The following RNFT2 variants were observed in gnomAD, a reference collection of about 807,000 sequenced individuals.
RNFT2 encodes the protein ring finger protein, transmembrane 2.
RNFT2 carries 36 observed loss-of-function variants against 53.0 expected under a neutral mutation model. The observed-to-expected ratio is 0.68, with a 90% CI of 0.52 to 0.90. The LOEUF (loss-of-function observed/expected upper bound fraction) is 0.90. Among genes scored for constraint, RNFT2 ranks in the 40% least tolerant of loss-of-function variants. The pLI is 0.00. For synonymous variants in RNFT2, 260 were observed against 253.2 expected (o/e 1.03, Z -0.26); for missense variants, 514 against 585.6 (o/e 0.88, Z 1.26).
intron 7 of RNFT2, among the ~76,000 whole-genome samples, chr12:116,793,663 C>T (rs1315311990): frequency 6.6e-6 from 1 of 152,150 alleles, no homozygotes; most frequent in Non-Finnish European, 1.5e-5. Context: ...TTTGTTCTTG[C>T]TGTTCCCTCT....
In RNFT2 at chr12:116,750,013, G is replaced by A; in HGVS notation, c.256G>A (p.Asp86Asn). The change falls in exon 4 of 11, where the codon GAC becomes AAC. Residue 86 changes from aspartate to asparagine, a missense_variant. Asp to Asn is a conservative substitution (Grantham distance 23, BLOSUM62 1). This residue lies in a region of RNFT2 where 237 missense variants were observed against 235.1 expected (regional missense o/e 1.01). Transcript: ENST00000257575. The part of the protein sequence containing the change: ...LVLGSSAGGG[D>N]VFIQMPASRE... ...GCTGGGCTCCTCGGCTGGCGGCGGGGACGTGTTCATCCAGATGCCCGCGTC... is the reference window on the plus strand; with the variant it reads ...GCTGGGCTCCTCGGCTGGCGGCGGGAACGTGTTCATCCAGATGCCCGCGTC... The A allele has an allele frequency of 6.4e-7, 1 of 1,555,006 alleles. No homozygotes were observed. The highest frequency in any genetic ancestry group is 1.2e-5 in the South Asian group (1 of 84,446).
chr12:116,789,772 A>G (rs1382533337), intron 7 of RNFT2, among the ~76,000 whole-genome samples: 5 of 132,916 alleles, frequency 3.8e-5, no homozygotes, highest in East Asian at 2.7e-4. Flanking sequence ...GAGTGGATGG[A>G]TGGATGGGTA....
rs115898422 is a variant in RNFT2 at position 116,796,125 on chromosome 12, T to C, written c.882+16777T>C. Among the ~76,000 whole-genome samples the C allele has an allele frequency of 4.1e-3, 625 of 152,124 alleles. 4 individuals are homozygous for C. Among genetic ancestry groups the C allele is most frequent in the African/African-American group, 0.014 (583 of 41,494 alleles). The stretch of plus-strand genomic sequence containing the variant: ...GTTTTCACCATTTTGGCCAGGGTAG[T>C]CTTGAACTCCCGACCTCAAGTGATC... On this transcript the variant is annotated intron_variant, in intron 7 of 10. Transcript: ENST00000257575.
intron 10 of RNFT2, among the ~76,000 whole-genome samples, chr12:116,839,292 A>G (rs1344025542): frequency 6.6e-6 from 1 of 151,998 alleles, no homozygotes; most frequent in Non-Finnish European, 1.5e-5. Flanking sequence ...CTCAGTAAAT[A>G]TTGGATGGAT....
chr12:116,831,793 C>T (rs749136175), intron 7 of RNFT2, among the ~76,000 whole-genome samples: 8 of 151,852 alleles, frequency 5.3e-5, no homozygotes, highest in African/African-American at 9.7e-5. Flanking sequence ...GGCAAACGTG[C>T]GCACCCATGT....
chr12:116,829,252 T>C (rs544651379), intron 7 of RNFT2, among the ~76,000 whole-genome samples: 1 of 152,132 alleles, frequency 6.6e-6, no homozygotes, highest in African/African-American at 2.4e-5. Context: ...ATACACTAAG[T>C]TGCTGTCCAT....
intron 7 of RNFT2, among the ~76,000 whole-genome samples, chr12:116,793,991 T>G (rs1203022866): frequency 6.6e-6 from 1 of 152,128 alleles, no homozygotes; most frequent in Non-Finnish European, 1.5e-5. Context: ...TTTCTCTGGG[T>G]GCTGTGGCTC....
chr12:116,813,728 G>A (rs11832933), intron 7 of RNFT2, among the ~76,000 whole-genome samples: 7,039 of 152,298 alleles, frequency 0.046, 352 homozygotes, highest in East Asian at 0.14. Flanking sequence ...ATTAATTCAT[G>A]AGAATGTTGC....
chr12:116,779,082 C>T (rs1245212823), intron 6 of RNFT2, 113 bp from the exon 7 acceptor site: 18 of 1,122,870 alleles, frequency 1.6e-5, no homozygotes, highest in Non-Finnish European at 2.2e-5. Flanking sequence ...CGTCTGACTC[C>T]CAGTTCAGCG....
Position 116,845,209 on chromosome 12 carries a change from A to T in RNFT2, c.1201-4105A>T, listed in dbSNP as rs139196870. On this transcript the variant is annotated intron_variant, in intron 10 of 10. Coordinates refer to ENST00000257575, the MANE Select transcript of RNFT2 (RefSeq NM_001382266.1). ...CTGTGAGCTGTGATCGCACCACTGC[A>T]CTCAAGCCTGGATGACAGAGCAAGA... 4.0e-3 allele frequency among the ~76,000 whole-genome samples: 599 copies of T among 148,072 alleles called. 2 individuals are homozygous for T. Among genetic ancestry groups the T allele is most frequent in the African/African-American group, 0.013 (530 of 40,054 alleles).
intron 7 of RNFT2, among the ~76,000 whole-genome samples, chr12:116,811,968 C>T (rs577097484): frequency 2.0e-5 from 3 of 152,310 alleles, no homozygotes; most frequent in Non-Finnish European, 2.9e-5. Flanking sequence ...TATATACCCT[C>T]GGGTGAGTGA....
rs1224695932 is a variant in RNFT2 at position 116,781,786 on chromosome 12, GTGGACATCGGC to G, written c.882+2442_882+2452del. ...ATTCACAGGTTCCAGGCATTAAGGT[GTGGACATCGGC>G]TGGGCACGGTGGCTCACGCCTGTAA... On this transcript the variant is annotated intron_variant, in intron 7 of 10. Transcript: ENST00000257575. 9.2e-5 allele frequency among the ~76,000 whole-genome samples: 14 copies of G among 152,136 alleles called. No homozygotes were observed. In the South Asian group the frequency reaches 2.7e-3, roughly 29 times the overall value.
intron 7 of RNFT2, among the ~76,000 whole-genome samples, chr12:116,802,052 C>T (rs1354436602): frequency 6.6e-6 from 1 of 152,140 alleles, no homozygotes; most frequent in Non-Finnish European, 1.5e-5. Flanking sequence ...GAACTCCTGA[C>T]CTCAAGTGAT....
chr12:116,802,760 A>C (rs1874859520), intron 7 of RNFT2, among the ~76,000 whole-genome samples: 1 of 152,260 alleles, frequency 6.6e-6, no homozygotes, highest in Middle Eastern at 3.4e-3. Flanking sequence ...GTTTCAAGCC[A>C]CTCAGCATGT....
At chr12:116,823,816 G>A (rs993667431) in intron 7 of RNFT2, among the ~76,000 whole-genome samples, 4 of 152,128 alleles carry the variant, frequency 2.6e-5, no homozygotes, top group East Asian at 1.9e-4. Context: ...CTTACCATGC[G>A]CCAGGCACTG....
intron 10 of RNFT2, among the ~76,000 whole-genome samples, chr12:116,845,274 T>TATATAG (rs1220792501): frequency 8.0e-6 from 1 of 125,422 alleles, no homozygotes; most frequent in African/African-American, 3.4e-5. Flanking sequence ...TATATATATA[T>TATATAG]AGAGAGAGAG....
At chr12:116,740,060 G>A (rs1871530398) in intron 1 of RNFT2, among the ~76,000 whole-genome samples, 1 of 151,968 alleles carries the variant, frequency 6.6e-6, no homozygotes, top group African/African-American at 2.4e-5. Flanking sequence ...ACAAAAATTG[G>A]GTGGGCGTGG....
In RNFT2 at chr12:116,849,444, A is replaced by G; in HGVS notation, c.1331A>G (p.Tyr444Cys). The G allele has an allele frequency of 6.3e-7, 1 of 1,590,184 alleles. No homozygotes were observed. The highest frequency in any genetic ancestry group is 8.5e-7 in the Non-Finnish European group (1 of 1,169,950). Residue 444 changes from tyrosine to cysteine, a missense_variant, in exon 11 of 11, where the codon TAC becomes TGC. By Grantham distance (194) the Tyr-to-Cys change is radical. This residue lies in a region of RNFT2 where 273 missense variants were observed against 334.4 expected (regional missense o/e 0.82). Transcript: ENST00000257575. ...GCCACGTCCGCACACTTCCAGGTGTACTAGGACCGAACACTGAGGACACCC... is the reference window on the plus strand; with the variant it reads ...GCCACGTCCGCACACTTCCAGGTGTGCTAGGACCGAACACTGAGGACACCC... Reference protein sequence around the residue: ...DGATSAHFQVY With the variant: ...DGATSAHFQVC
At chr12:116,812,309 G>A (rs1010475208) in intron 7 of RNFT2, among the ~76,000 whole-genome samples, 6 of 152,112 alleles carry the variant, frequency 3.9e-5, no homozygotes, top group South Asian at 4.2e-4. Context: ...ATAGCAGCCC[G>A]ACATAAATAC....
Sources: gnomAD v4.1 joint callset for allele counts (sites outside exome capture counted in the v4.1 genomes callset) on GRCh38, gnomAD v4.1.1 for gene constraint, gnomAD v4.1.1 regional missense constraint, MANE v1.5 for transcripts, NCBI Gene and HGNC (gene_info 2026-07-23, HGNC 2026-07-21) for gene names.